Variants in PTPRD observed in about 807,000 individuals in gnomAD.
PTPRD encodes receptor-type tyrosine-protein phosphatase delta.
Under a neutral mutation model 214.5 loss-of-function variants are expected in PTPRD, and 34 were observed. The ratio of observed to expected loss-of-function variants is 0.16; its 90% CI spans 0.12 to 0.21. The LOEUF (loss-of-function observed/expected upper bound fraction) is 0.21, where lower values mean the gene tolerates loss of function less well. Ranked by LOEUF, PTPRD falls within the 10% of genes least tolerant of loss-of-function variation. PTPRD has a pLI of 1.00. For missense variants in PTPRD, 2,545 were observed against 2,398.7 expected (o/e 1.06, Z -1.27); for synonymous variants, 1,128 against 845.7 (o/e 1.33, Z -5.79).
chr9:9,137,678 TAATC>T (rs2099853102), intron 10 of PTPRD, among the ~76,000 whole-genome samples: 1 of 152,164 alleles, frequency 6.6e-6, no homozygotes, highest in African/African-American at 2.4e-5. Flanking sequence ...GCAAAAATGT[TAATC>T]AAATCAAAAT....
At chr9:9,990,895 A>G (rs2154078701) in intron 4 of PTPRD, among the ~76,000 whole-genome samples, 1 of 152,112 alleles carries the variant, frequency 6.6e-6, no homozygotes, top group Non-Finnish European at 1.5e-5. Flanking sequence ...AGTTTTGTAA[A>G]ATCAAAATGT....
chr9:10,326,960 G>C (rs1353920638), intron 3 of PTPRD, among the ~76,000 whole-genome samples: 1 of 151,316 alleles, frequency 6.6e-6, no homozygotes, highest in Non-Finnish European at 1.5e-5. Context: ...TGAACACTTT[G>C]ATAGGAAACA....
At chr9:9,356,996 G>C (rs1375232339) in intron 9 of PTPRD, among the ~76,000 whole-genome samples, 1 of 151,214 alleles carries the variant, frequency 6.6e-6, no homozygotes, top group Non-Finnish European at 1.5e-5. Context: ...GCATCCAAGG[G>C]GGATTTGGGT....
intron 11 of PTPRD, among the ~76,000 whole-genome samples, chr9:8,908,924 CATA>C (rs2098727237): frequency 6.7e-6 from 1 of 150,268 alleles, no homozygotes; most frequent in Non-Finnish European, 1.5e-5. Flanking sequence ...TTAAAAGGCT[CATA>C]ATTTGACATG....
chr9:8,912,783 T>C (rs1269929697), intron 11 of PTPRD, among the ~76,000 whole-genome samples: 1 of 152,156 alleles, frequency 6.6e-6, no homozygotes, highest in Non-Finnish European at 1.5e-5. Context: ...ATTATCTGAG[T>C]TGAACTTTTG....
rs1185103782 is a variant in PTPRD at position 10,180,655 on chromosome 9, TA to T, written c.-544-146866del. 2.7e-5 allele frequency among the ~76,000 whole-genome samples: 4 copies of T among 149,944 alleles called. No individual in the cohort carries two copies. In the Admixed American group the frequency reaches 2.7e-4, roughly 10 times the overall value. ...GCTAATTTACTTTATGAACTATACT[TA>T]AAAATACTAAAAAAATAGATTAGCT... On this transcript the variant is annotated intron_variant, in intron 3 of 45. Transcript: ENST00000381196.
intron 9 of PTPRD, among the ~76,000 whole-genome samples, chr9:9,396,835 A>G (rs893379275): frequency 3.3e-5 from 5 of 152,042 alleles, no homozygotes; most frequent in Non-Finnish European, 7.4e-5. Flanking sequence ...ATGTGCAGAG[A>G]ATCCTTGAAA....
chr9:9,690,348 C>A (rs972045566), intron 7 of PTPRD, among the ~76,000 whole-genome samples: 33 of 151,668 alleles, frequency 2.2e-4, no homozygotes, highest in African/African-American at 8.0e-4. Context: ...TCCTTCCTAT[C>A]GAGTTGTCTG....
At chr9:9,204,701 A>C (rs1188743096) in intron 9 of PTPRD, among the ~76,000 whole-genome samples, 1 of 152,232 alleles carries the variant, frequency 6.6e-6, no homozygotes, top group Non-Finnish European at 1.5e-5. Context: ...GCAACTGAAA[A>C]GAACATAAAT....
rs528793932 is a variant in PTPRD, at chr9:9,956,293, A to C, written c.-471-17683T>G. ...TAAAGTCAAACTTAAAAAAAAAAAA[A>C]AAAACTCTACCAAATTGGTGAGTGT... On this transcript the variant is annotated intron_variant, in intron 4 of 45. Transcript: ENST00000381196. Among the ~76,000 whole-genome samples, 85 of 152,034 alleles carry C rather than the reference A, an allele frequency of 5.6e-4. No individual in the cohort carries two copies. The East Asian group carries it at 0.015, about 27-fold the overall frequency.
At position 9,636,968 on chromosome 9, in the gene PTPRD, T is replaced by A. The variant is rs557381970; in HGVS notation, c.-286-62187A>T. 1.5e-4 allele frequency among the ~76,000 whole-genome samples: 23 copies of A among 152,088 alleles called. No individual in the cohort carries two copies. In the South Asian group the frequency reaches 4.6e-3, roughly 30 times the overall value. ...TCCTCCAGAGTTGGGGAATGGTGTG[T>A]CCTCACATGGTAGAAGCAGAAGTGA... On this transcript the variant is annotated intron_variant, in intron 7 of 45. Transcript: ENST00000381196.
At chr9:9,676,652 T>C (rs2096936808) in intron 7 of PTPRD, among the ~76,000 whole-genome samples, 1 of 152,162 alleles carries the variant, frequency 6.6e-6, no homozygotes, top group African/African-American at 2.4e-5. Context: ...AGTAATGGGA[T>C]GGCTGGATCA....
chr9:10,015,178 T>G (rs2096677716), intron 4 of PTPRD, among the ~76,000 whole-genome samples: 1 of 152,118 alleles, frequency 6.6e-6, no homozygotes. Context: ...GAAATGATTA[T>G]GGGCAACAAT....
At chr9:8,322,578 A>C (rs1829491117) in intron 44 of PTPRD, among the ~76,000 whole-genome samples, 1 of 152,198 alleles carries the variant, frequency 6.6e-6, no homozygotes, top group Non-Finnish European at 1.5e-5. Flanking sequence ...GCTGCAGAAG[A>C]AAAGTTTGAA....
intron 10 of PTPRD, among the ~76,000 whole-genome samples, chr9:9,042,694 C>T (rs2099644376): frequency 6.7e-6 from 1 of 148,760 alleles, no homozygotes; most frequent in Non-Finnish European, 1.5e-5. Context: ...ATCTTATGAC[C>T]TCTGGTGGCA....
chr9:10,096,228 GAT>G (rs2098482764), intron 3 of PTPRD, among the ~76,000 whole-genome samples: 1 of 151,650 alleles, frequency 6.6e-6, no homozygotes, highest in Non-Finnish European at 1.5e-5. Flanking sequence ...AAGTTACTAA[GAT>G]ATAAATTGAG....
rs374679427 is a variant in PTPRD at position 10,378,565 on chromosome 9, G to C, written c.-599-37548C>G. ...CCCAGTTTTCCAAGAATCATTTATT[G>C]AAGAGACTGTCTTTCCCCTCAGTAT... On this transcript the variant is annotated intron_variant, in intron 2 of 45. Coordinates refer to ENST00000381196, the MANE Select transcript of PTPRD (RefSeq NM_002839.4). Among the ~76,000 whole-genome samples the C allele has an allele frequency of 1.4e-4, 22 of 152,042 alleles. 1 individual carries two copies. The highest frequency in any genetic ancestry group is 4.3e-4 in the African/African-American group (18 of 41,518).
At chr9:10,316,276 A>G (rs1362986816) in intron 3 of PTPRD, among the ~76,000 whole-genome samples, 2 of 151,528 alleles carry the variant, frequency 1.3e-5, no homozygotes, top group East Asian at 3.9e-4. Context: ...CAATAATTTA[A>G]TAATTTAGCA....
intron 11 of PTPRD, among the ~76,000 whole-genome samples, chr9:8,857,349 G>C (rs1039378648): frequency 6.6e-6 from 1 of 152,282 alleles, no homozygotes; most frequent in Admixed American, 6.5e-5. Flanking sequence ...AGGAGAGAGC[G>C]GGGGTCGCAC....
Sources: allele counts gnomAD v4.1 joint callset (sites outside exome capture counted in the v4.1 genomes callset), GRCh38; gene constraint gnomAD v4.1.1; transcripts MANE v1.5; gene names NCBI Gene and HGNC (gene_info 2026-07-23, HGNC 2026-07-21).